The following SIPA1L2 variants were observed in gnomAD, a reference collection of about 807,000 sequenced individuals.
The protein encoded by SIPA1L2 is signal induced proliferation associated 1 like 2.
In SIPA1L2, 56 loss-of-function variants were observed where a neutral mutation model predicts 163.9. That is an observed-to-expected ratio of 0.34 (90% confidence interval 0.28 to 0.43). SIPA1L2 has a LOEUF of 0.43. SIPA1L2 is among the 20% of genes least tolerant of loss of function. The pLI, the probability that SIPA1L2 is intolerant of heterozygous loss-of-function variation, is 1.00. For missense variants in SIPA1L2, 1,974 were observed against 2,193.5 expected, an observed-to-expected ratio of 0.90 and a Z score of 2.00; for synonymous variants, 877 against 865.7, an observed-to-expected ratio of 1.01 and a Z score of -0.23.
intron 18 of SIPA1L2, among the ~76,000 whole-genome samples, chr1:232,418,098 C>T (rs538129493): frequency 4.6e-5 from 7 of 152,350 alleles, no homozygotes; most frequent in African/African-American, 1.4e-4. Context: ...TTCATTCCAG[C>T]TTCTGGCATT....
chr1:232,574,984 G>A (rs1212178544), intron 1 of SIPA1L2, among the ~76,000 whole-genome samples: 2 of 152,294 alleles, frequency 1.3e-5, no homozygotes, highest in Non-Finnish European at 2.9e-5. Context: ...TGCCCCAGGC[G>A]AATCAGCAAG....
intron 10 of SIPA1L2, among the ~76,000 whole-genome samples, chr1:232,450,647 C>A (rs1056771208): frequency 6.6e-6 from 1 of 152,112 alleles, no homozygotes; most frequent in African/African-American, 2.4e-5. Flanking sequence ...CTTGTGAACC[C>A]AAAGACATCT....
rs757328621 is a variant in SIPA1L2 at position 232,425,666 on chromosome 1, A to G, written c.4553T>C (p.Leu1518Pro). 2 of 1,613,666 alleles carry G rather than the reference A, an allele frequency of 1.2e-6. No homozygotes were observed. The highest frequency in any genetic ancestry group is 1.7e-6 in the Non-Finnish European group (2 of 1,179,932). ...GTGGTAGGGTGGGGTGGTGCTGAAC[A>G]GAATGTCGTTGGGCAGGGCCTGGTC... is the stretch of plus-strand genomic sequence containing the variant. ...VLDQALPNDI[L>P]FSTTPPYHST... Residue 1518 changes from leucine to proline, a missense_variant, in exon 18 of 23, where the codon CTG (leucine) becomes CCG (proline). Coordinates refer to ENST00000674635, the MANE Select transcript of SIPA1L2 (RefSeq NM_020808.5).
intron 22 of SIPA1L2, among the ~76,000 whole-genome samples, chr1:232,401,636 C>A (rs1312529191): frequency 1.3e-5 from 2 of 152,198 alleles, no homozygotes; most frequent in Non-Finnish European, 2.9e-5. Context: ...GCTGTCCCTA[C>A]TCCTATCCAA....
In SIPA1L2 at chr1:232,461,042, G is replaced by A. The variant is rs1558194762; in HGVS notation, c.2940C>T (p.Ala980=). 6.2e-7 allele frequency: 1 copy of A among 1,614,274 alleles called. No homozygotes were observed. The highest frequency in any genetic ancestry group is 8.5e-7 in the Non-Finnish European group (1 of 1,180,054). The stretch of plus-strand genomic sequence containing the variant: ...TCCCTTGGCGAAGGCCAGCCTTCCA[G>A]GCAAAGCCAAAAGGTTCCACATCTG... ...IVADVEPFGF[A]WKAGLRQGSR... is the part of the protein sequence containing the mutation. The change falls in exon 10 of 23, where the codon GCC becomes GCT. Residue 980 remains alanine, a synonymous_variant. Coordinates refer to ENST00000674635, the MANE Select transcript of SIPA1L2 (RefSeq NM_020808.5).
At chr1:232,503,751 A>G (rs1363470809) in intron 3 of SIPA1L2, among the ~76,000 whole-genome samples, 1 of 152,258 alleles carries the variant, frequency 6.6e-6, no homozygotes, top group African/African-American at 2.4e-5. Flanking sequence ...TCTGGGTTAC[A>G]TAGGCAGTTA....
chr1:232,415,453 C>T lies in SIPA1L2; in HGVS notation c.4762+41G>A, dbSNP rs1447438385. 1.9e-6 allele frequency: 3 copies of T among 1,564,854 alleles called. No homozygotes were observed. The Admixed American group carries it at 6.0e-5, about 31-fold the overall frequency. Reference sequence around the variant, plus strand: ...CGCACAGGCCCTGCAGGAAAGCACTCCCAGGGTAAGGGGTGAGGCCAGAGG... The same window carrying T: ...CGCACAGGCCCTGCAGGAAAGCACTTCCAGGGTAAGGGGTGAGGCCAGAGG... On this transcript the variant is annotated intron_variant, in intron 19 of 22. Transcript: ENST00000674635.
intron 2 of SIPA1L2, among the ~76,000 whole-genome samples, chr1:232,561,735 T>C (rs567296590): frequency 4.3e-4 from 65 of 152,342 alleles, no homozygotes; most frequent in African/African-American, 1.5e-3. Context: ...TTACTTATCA[T>C]TGCCAGGCTT....
At chr1:232,539,859 C>T (rs10910551) in intron 2 of SIPA1L2, among the ~76,000 whole-genome samples, 27,367 of 152,140 alleles carry the variant, frequency 0.18, 2,555 homozygotes, top group East Asian at 0.3. Flanking sequence ...GTTTTCATTA[C>T]GCATTTTTTC....
chr1:232,553,279 G>A (rs1173610623), intron 2 of SIPA1L2, among the ~76,000 whole-genome samples: 9 of 152,220 alleles, frequency 5.9e-5, no homozygotes, highest in Non-Finnish European at 8.8e-5. Flanking sequence ...GCTCCTCCTC[G>A]TCTCTCCTTC....
In SIPA1L2 at chr1:232,465,010, T is replaced by A; in HGVS notation, c.2650A>T (p.Ile884Phe). ...ACAACATTCTTGGAATCCTTTTCAA[T>A]CAACATGATGAACTCATTGGAGATC... The part of the protein sequence containing the change: ...LGISNEFIML[I>F]EKDSKNVVFN... The change falls in exon 9 of 23, where the codon ATT (isoleucine) becomes TTT (phenylalanine). Residue 884 changes from isoleucine (I) to phenylalanine (F), a missense_variant. By Grantham distance (21) the Ile-to-Phe change is conservative (BLOSUM62 0). This residue lies in a region of SIPA1L2 where 1,079 missense variants were observed against 1,150.7 expected (regional missense o/e 0.94). Transcript: ENST00000674635. This position sits in a 1 kb window ranked among gnomAD's most constrained non-coding sequence, Gnocchi z 4.1. 9 of 1,614,192 alleles carry A rather than the reference T, an allele frequency of 5.6e-6. No homozygotes were observed. Among genetic ancestry groups the A allele is most frequent in the Non-Finnish European group, 7.6e-6 (9 of 1,180,038 alleles).
intron 10 of SIPA1L2, among the ~76,000 whole-genome samples, chr1:232,452,031 C>T (rs2102892057): frequency 6.6e-6 from 1 of 151,110 alleles, no homozygotes; most frequent in African/African-American, 2.4e-5. Flanking sequence ...GTGGCATTAT[C>T]AAACTGTAAG....
At chr1:232,407,129 GT>G (rs1660683338) in intron 19 of SIPA1L2, among the ~76,000 whole-genome samples, 1 of 152,270 alleles carries the variant, frequency 6.6e-6, no homozygotes, top group Non-Finnish European at 1.5e-5. Flanking sequence ...ACAAGAAAAA[GT>G]CCTGAAATTA....
intron 10 of SIPA1L2, among the ~76,000 whole-genome samples, chr1:232,450,243 T>C (rs944850084): frequency 2.0e-5 from 3 of 152,232 alleles, no homozygotes; most frequent in Non-Finnish European, 4.4e-5. Context: ...TTGGTCAAAC[T>C]GAGTAAATGC....
rs981897837 is a variant in SIPA1L2 at position 232,570,947 on chromosome 1, A to T, written c.-270+3227T>A. Among the ~76,000 whole-genome samples the T allele has an allele frequency of 1.7e-4, 18 of 107,996 alleles. 1 individual carries two copies. In the East Asian group the frequency reaches 2.2e-3, roughly 13 times the overall value. 70.8% of individuals were successfully genotyped at this position (107,996 alleles called of 152,430 possible). A position where few individuals can be genotyped will look rare whatever the true frequency, so the allele number is the denominator to read the frequency against. The stretch of plus-strand genomic sequence containing the variant: ...CATGAGAATCAGGCCAGAAACTATA[A>T]AAAAAAAAAAAAAAAAGGAGCTAAA... On this transcript the variant is annotated intron_variant, in intron 2 of 22. Coordinates refer to ENST00000674635, the MANE Select transcript of SIPA1L2 (RefSeq NM_020808.5).
chr1:232,496,720 TA>T (rs1260149653), intron 3 of SIPA1L2, among the ~76,000 whole-genome samples: 1 of 152,184 alleles, frequency 6.6e-6, no homozygotes, highest in African/African-American at 2.4e-5. Flanking sequence ...AACTTAAAAC[TA>T]AATCATTTTG....
intron 5 of SIPA1L2, among the ~76,000 whole-genome samples, chr1:232,487,816 A>C (rs1041675829): frequency 6.6e-6 from 1 of 152,068 alleles, no homozygotes; most frequent in African/African-American, 2.4e-5. Flanking sequence ...CCTACTTCTG[A>C]AAAGTGTCTT....
chr1:232,534,460 C>T (rs1393168541), intron 2 of SIPA1L2, among the ~76,000 whole-genome samples: 1 of 152,188 alleles, frequency 6.6e-6, no homozygotes, highest in Non-Finnish European at 1.5e-5. Context: ...TGGAAGAACG[C>T]TTCACCATAT....
intron 2 of SIPA1L2, among the ~76,000 whole-genome samples, chr1:232,569,999 C>T (rs577482707): frequency 2.0e-5 from 3 of 152,118 alleles, no homozygotes; most frequent in Non-Finnish European, 4.4e-5. Flanking sequence ...AAGCTGAAAG[C>T]AGAGAGAAGG....
Sources: gnomAD v4.1 joint callset for allele counts (sites outside exome capture counted in the v4.1 genomes callset) on GRCh38, gnomAD v4.1.1 for gene constraint, gnomAD v4.1.1 regional missense constraint, Gnocchi (gnomAD v3.1) non-coding constraint, MANE v1.5 for transcripts, NCBI Gene and HGNC (gene_info 2026-07-23, HGNC 2026-07-21) for gene names.